Variants in CSMD3 observed in about 807,000 individuals in gnomAD.
The protein encoded by CSMD3 is CUB and Sushi multiple domains 3.
Under a neutral mutation model 435.2 loss-of-function variants are expected in CSMD3, and 177 were observed. The observed-to-expected ratio is 0.41, with a 90% CI of 0.36 to 0.46. CSMD3 has a LOEUF of 0.46. Ranked by LOEUF, CSMD3 falls within the 20% of genes least tolerant of loss-of-function variation. The pLI is 0.34. For missense variants in CSMD3, 4,265 were observed against 4,504.6 expected (o/e 0.95, Z 1.52); for synonymous variants, 1,656 against 1,520.5 (o/e 1.09, Z -2.07).
At chr8:113,366,416 TATC>T (rs1191449204) in intron 1 of CSMD3, among the ~76,000 whole-genome samples, 5 of 151,930 alleles carry the variant, frequency 3.3e-5, no homozygotes, top group Non-Finnish European at 7.4e-5. Context: ...ATACCAGAAA[TATC>T]ATGAGGAAAA....
chr8:112,906,930 G>A (rs1002056083), intron 10 of CSMD3, among the ~76,000 whole-genome samples: 1 of 151,544 alleles, frequency 6.6e-6, no homozygotes, highest in African/African-American at 2.4e-5. Flanking sequence ...AGGGTACGCT[G>A]CTGAATTATA....
intron 6 of CSMD3, among the ~76,000 whole-genome samples, chr8:112,990,464 A>G (rs1001524224): frequency 1.3e-5 from 2 of 151,938 alleles, no homozygotes; most frequent in Admixed American, 6.6e-5. Flanking sequence ...AGTTTTACGG[A>G]AGTATTTAAT....
intron 24 of CSMD3, among the ~76,000 whole-genome samples, chr8:112,557,162 T>G (rs1172654624): frequency 6.6e-6 from 1 of 151,990 alleles, no homozygotes; most frequent in Non-Finnish European, 1.5e-5. Context: ...TTTTGAAGTT[T>G]ATCAATGATA....
intron 4 of CSMD3, among the ~76,000 whole-genome samples, chr8:113,102,862 TA>T (rs2090369670): frequency 6.6e-6 from 1 of 152,100 alleles, no homozygotes; most frequent in Non-Finnish European, 1.5e-5. Context: ...AATGGAACAT[TA>T]AAGTGTTTTT....
Position 112,311,038 on chromosome 8 carries a change from C to A in CSMD3, c.7825G>T (p.Val2609Leu). 2 of 1,614,124 alleles carry A rather than the reference C, an allele frequency of 1.2e-6. No homozygotes were observed. Among genetic ancestry groups the A allele is most frequent in the African/African-American group, 1.3e-5 (1 of 75,032 alleles). The change falls in exon 50 of 71, where the codon GTG becomes TTG. Residue 2609 changes from valine (V) to leucine (L), a missense_variant. Physicochemically the swap from Val to Leu is conservative, Grantham distance 32. This residue lies in a region of CSMD3 where 3,255 missense variants were observed against 3,380.2 expected (regional missense o/e 0.96). Transcript: ENST00000297405. ...GFRLVGKSSA[V>L]CRKSSYGYHA... Reference sequence around the variant, plus strand: ...TACCCATAGGAAGACTTTCTGCACACAGCACTGCTTTTTCCAACAAGTCGG... The same window carrying A: ...TACCCATAGGAAGACTTTCTGCACAAAGCACTGCTTTTTCCAACAAGTCGG...
intron 31 of CSMD3, among the ~76,000 whole-genome samples, chr8:112,486,114 G>GTTT (rs10955624): frequency 1.4e-5 from 2 of 144,708 alleles, no homozygotes; most frequent in Admixed American, 6.9e-5. Context: ...ATTCTATCAG[G>GTTT]TTTTTTTTTT....
intron 7 of CSMD3, among the ~76,000 whole-genome samples, chr8:112,969,425 G>A (rs1039818026): frequency 6.6e-6 from 1 of 151,804 alleles, no homozygotes; most frequent in African/African-American, 2.4e-5. Flanking sequence ...CTCTAGTGTT[G>A]GAGGAGAAAA....
At chr8:112,676,594 T>C (rs1023413741) in intron 16 of CSMD3, among the ~76,000 whole-genome samples, 1 of 152,168 alleles carries the variant, frequency 6.6e-6, no homozygotes, top group African/African-American at 2.4e-5. Context: ...TCTTTCATTT[T>C]TGGTCTGCAA....
intron 1 of CSMD3, among the ~76,000 whole-genome samples, chr8:113,357,817 CCTCT>C (rs957998332): frequency 3.6e-4 from 55 of 152,160 alleles, no homozygotes; most frequent in African/African-American, 1.3e-3. Flanking sequence ...TTCCCCCTTT[CCTCT>C]CTGTCTCCTG....
chr8:112,343,054 A>C (rs537066583), intron 41 of CSMD3, among the ~76,000 whole-genome samples: 1 of 124,128 alleles, frequency 8.1e-6, no homozygotes, highest in Admixed American at 8.7e-5. Flanking sequence ...ATTGGACCTA[A>C]TATTTGATTT....
chr8:112,554,172 T>C (rs191008652), intron 25 of CSMD3, among the ~76,000 whole-genome samples: 2 of 151,702 alleles, frequency 1.3e-5, no homozygotes, highest in East Asian at 3.9e-4. Flanking sequence ...TATAGATAGA[T>C]AGATGGATAA....
chr8:112,841,774 A>C (rs2080184353), intron 11 of CSMD3, among the ~76,000 whole-genome samples: 1 of 151,514 alleles, frequency 6.6e-6, no homozygotes, highest in East Asian at 1.9e-4. Context: ...AGGTCTTAGC[A>C]GGAAAAAAAA....
rs148270225 is a variant in CSMD3 at position 112,916,805 on chromosome 8, C to A, written c.1633+4822G>T. ...AACTGTTGGTTACAATTAATTAAAT[C>A]TTCCTATAATATTTCTTAAACTATT... On this transcript the variant is annotated intron_variant, in intron 10 of 70. Coordinates refer to ENST00000297405, the MANE Select transcript of CSMD3 (RefSeq NM_198123.2). 6.7e-4 allele frequency among the ~76,000 whole-genome samples: 102 copies of A among 151,990 alleles called. 1 individual carries two copies. The highest frequency in any genetic ancestry group is 2.4e-3 in the African/African-American group (98 of 41,518).
intron 22 of CSMD3, among the ~76,000 whole-genome samples, chr8:112,614,243 G>C (rs1332544710): frequency 6.6e-6 from 1 of 152,098 alleles, no homozygotes; most frequent in Non-Finnish European, 1.5e-5. Flanking sequence ...TGCCCTAATT[G>C]CCATGGTAGC....
At chr8:113,376,622 G>A (rs2133081328) in intron 1 of CSMD3, 1 of 1,184,060 alleles carries the variant, frequency 8.4e-7, no homozygotes, top group African/African-American at 1.5e-5. Context: ...TCAAAAGAAA[G>A]TTTACCACTC....
At chr8:113,315,366 C>A (rs924297142) in intron 1 of CSMD3, among the ~76,000 whole-genome samples, 2 of 151,842 alleles carry the variant, frequency 1.3e-5, no homozygotes, top group African/African-American at 4.8e-5. Context: ...ATATTTAGTC[C>A]ATGATGAACA....
chr8:113,223,881 G>A (rs1321889948), intron 3 of CSMD3, among the ~76,000 whole-genome samples: 2 of 150,532 alleles, frequency 1.3e-5, no homozygotes, highest in African/African-American at 4.9e-5. Flanking sequence ...CTACTAATCG[G>A]TAATGGCAGG....
intron 10 of CSMD3, among the ~76,000 whole-genome samples, chr8:112,877,416 GCCA>G (rs1306975068): frequency 1.3e-5 from 2 of 151,854 alleles, no homozygotes; most frequent in Non-Finnish European, 2.9e-5. Flanking sequence ...ACAGGTGTGT[GCCA>G]CCACACCTGG....
At chr8:112,568,879 A>G (rs537630250) in intron 24 of CSMD3, among the ~76,000 whole-genome samples, 1 of 152,242 alleles carries the variant, frequency 6.6e-6, no homozygotes, top group East Asian at 1.9e-4. Context: ...CATTGTAGTA[A>G]ATACTGTAAG....
Sources: gnomAD v4.1 joint callset for allele counts (sites outside exome capture counted in the v4.1 genomes callset) on GRCh38, gnomAD v4.1.1 for gene constraint, gnomAD v4.1.1 regional missense constraint, MANE v1.5 for transcripts, NCBI Gene and HGNC (gene_info 2026-07-23, HGNC 2026-07-21) for gene names.